LOXL1: variants seen among roughly 807,000 people sequenced by gnomAD.
LOXL1 encodes lysyl oxidase like 1.
In LOXL1, 31 loss-of-function variants were observed where a neutral mutation model predicts 62.2. That is an observed-to-expected ratio of 0.50 (90% CI 0.37 to 0.67). The LOEUF (loss-of-function observed/expected upper bound fraction) is 0.67, where lower values mean the gene tolerates loss of function less well. LOXL1 is among the 30% of genes least tolerant of loss of function. The pLI, the probability that LOXL1 is intolerant of heterozygous loss-of-function variation, is 0.00. For synonymous variants in LOXL1, 403 were observed against 384.4 expected, an observed-to-expected ratio of 1.05 and a Z score of -0.56; for missense variants, 775 against 843.4, an observed-to-expected ratio of 0.92 and a Z score of 1.00.
At chr15:73,939,391 C>G (rs935990231) in intron 1 of LOXL1, among the ~76,000 whole-genome samples, 2 of 152,140 alleles carry the variant, frequency 1.3e-5, no homozygotes, top group African/African-American at 2.4e-5. Flanking sequence ...GCAGCTTCCC[C>G]GAGCTGCTGC....
Position 73,926,756 on chromosome 15 carries a change from T to C in LOXL1, c.-28T>C, listed in dbSNP as rs2068580283. On this transcript the variant is annotated 5_prime_UTR_variant, in exon 1 of 7. Transcript: ENST00000261921. ...GGGGCCACTCCTGAGAGCCTCTCTG[T>C]CCACCAGGCCTCTGCAGAGGGGTCA... 4.4e-6 allele frequency: 6 copies of C among 1,365,170 alleles called. No homozygotes were observed. The South Asian group carries it at 6.9e-5, about 16-fold the overall frequency. The allele number at this position is 1,365,170 out of a possible 1,614,324, so 84.6% of individuals were successfully genotyped here.
At chr15:73,944,612 G>T (rs1001507) in intron 2 of LOXL1, among the ~76,000 whole-genome samples, 10,897 of 152,244 alleles carry the variant, frequency 0.072, 470 homozygotes, top group African/African-American at 0.11. Flanking sequence ...ATCATTTCAA[G>T]TATGGGCCGC....
chr15:73,926,666 G>A lies in LOXL1; in HGVS notation c.-118G>A, dbSNP rs1044915042. 1.7e-6 allele frequency: 2 copies of A among 1,209,674 alleles called. No homozygotes were observed. Among genetic ancestry groups the A allele is most frequent in the Non-Finnish European group, 2.2e-6 (2 of 927,048 alleles). 74.9% of individuals were successfully genotyped at this position (1,209,674 alleles called of 1,614,324 possible). Reference sequence around the variant, plus strand: ...TCGGGACAAGGCCAGCATGGACAAAGCTAGAGCTGGGGCAAGCAAGGAGCC... The same window carrying A: ...TCGGGACAAGGCCAGCATGGACAAAACTAGAGCTGGGGCAAGCAAGGAGCC... On this transcript the variant is annotated 5_prime_UTR_variant, in exon 1 of 7. Coordinates refer to ENST00000261921, the MANE Select transcript of LOXL1 (RefSeq NM_005576.4).
chr15:73,952,000 G>T lies in LOXL1; in HGVS notation c.*163G>T. 1 of 465,584 alleles carries T rather than the reference G, an allele frequency of 2.1e-6. No homozygotes were observed. The highest frequency in any genetic ancestry group is 5.4e-5 in the South Asian group (1 of 18,530). The allele number at this position is 465,584 out of a possible 1,614,324, so 28.8% of individuals were successfully genotyped here. On this transcript the variant is annotated 3_prime_UTR_variant, in exon 7 of 7. Coordinates refer to ENST00000261921, the MANE Select transcript of LOXL1 (RefSeq NM_005576.4). ...CGTGGATGAAAACCACAGGGATTCC[G>T]GACGCCAGACCCCATTTTATACTTC...
At position 73,927,397 on chromosome 15, in the gene LOXL1, A is replaced by G; in HGVS notation, c.614A>G (p.Tyr205Cys). 6.4e-7 allele frequency: 1 copy of G among 1,555,634 alleles called. No homozygotes were observed. Among genetic ancestry groups the G allele is most frequent in the East Asian group, 2.5e-5 (1 of 40,382 alleles). ...SRTYDQGFVY[Y>C]RPAGGGVGAG... ...ACCTACGACCAGGGTTTCGTGTACT[A>G]CCGGCCCGCGGGCGGCGGCGTGGGC... The change falls in exon 1 of 7, where the codon TAC (tyrosine) becomes TGC (cysteine). Residue 205 changes from tyrosine (Y) to cysteine (C), a missense_variant. Physicochemically the swap from Tyr to Cys is radical, Grantham distance 194. Coordinates refer to ENST00000261921, the MANE Select transcript of LOXL1 (RefSeq NM_005576.4).
chr15:73,947,136 C>T lies in LOXL1; in HGVS notation c.1419C>T (p.Ala473=), dbSNP rs763234312. The change falls in exon 4 of 7, where the codon GCC becomes GCT. Residue 473 remains alanine (A), a synonymous_variant. Transcript: ENST00000261921. The part of the protein sequence containing the change: ...LLDAATGKKV[A]EGHKASFCLE... ...ATGCAGCCACAGGCAAGAAGGTGGC[C>T]GAGGGCCACAAGGCCAGTTTCTGCC... The T allele has an allele frequency of 6.8e-6, 11 of 1,613,698 alleles. No homozygotes were observed. The highest frequency in any genetic ancestry group is 5.5e-5 in the South Asian group (5 of 91,042).
At chr15:73,940,021 T>C (rs2068702775) in intron 1 of LOXL1, among the ~76,000 whole-genome samples, 1 of 152,144 alleles carries the variant, frequency 6.6e-6, no homozygotes, top group Non-Finnish European at 1.5e-5. Flanking sequence ...GACCAGTCAG[T>C]CACCCTCAAA....
In LOXL1 at chr15:73,941,186, C is replaced by T. The variant is rs192602685; in HGVS notation, c.1103-1668C>T. On this transcript the variant is annotated intron_variant, in intron 1 of 6. Transcript: ENST00000261921. ...GGGTCCCTTGGGAAATGACTGCAAA[C>T]ATTCCTAGGGGCTCAAGTAACAGGG... 8.3e-4 allele frequency among the ~76,000 whole-genome samples: 127 copies of T among 152,302 alleles called. 4 individuals carry two copies. The highest frequency in any genetic ancestry group is 7.8e-3 in the Admixed American group (120 of 15,310).
rs2068742690 is a variant in LOXL1, at chr15:73,945,703, G to A, written c.1212-714G>A. Among the ~76,000 whole-genome samples the A allele has an allele frequency of 6.6e-6, 1 of 151,816 alleles. No individual in the cohort carries two copies. The highest frequency in any genetic ancestry group is 1.5e-5 in the Non-Finnish European group (1 of 67,968). The stretch of plus-strand genomic sequence containing the variant: ...TGTCAGAGACTTATCAGAATCTCCT[G>A]GATAGGACTTTTTTTTTTCTTTTTT... On this transcript the variant is annotated intron_variant, in intron 2 of 6. Transcript: ENST00000261921. This position sits in a 1 kb window ranked among gnomAD's most constrained non-coding sequence, Gnocchi z 4.3.
In LOXL1 at chr15:73,927,295, C is replaced by T. The variant is rs1383219991; in HGVS notation, c.512C>T (p.Pro171Leu). The T allele has an allele frequency of 1.2e-6, 2 of 1,603,466 alleles. No homozygotes were observed. Among genetic ancestry groups the T allele is most frequent in the African/African-American group, 1.4e-5 (1 of 73,896 alleles). ...SAFASTYRQQ[P>L]SYPQQFPYPQ... ...TTCGCCAGCACCTACCGCCAGCAGC[C>T]CTCCTACCCGCAGCAGTTCCCCTAC... The change falls in exon 1 of 7, where the codon CCC (proline) becomes CTC (leucine). Residue 171 changes from proline (P) to leucine (L), a missense_variant. Pro to Leu is a moderately conservative substitution (Grantham distance 98). Transcript: ENST00000261921.
intron 1 of LOXL1, among the ~76,000 whole-genome samples, chr15:73,941,024 A>G (rs1049847876): frequency 2.0e-5 from 3 of 151,734 alleles, no homozygotes; most frequent in Admixed American, 1.3e-4. Flanking sequence ...AGGCCCAGCT[A>G]CCCCACCCTA....
At position 73,951,894 on chromosome 15, in the gene LOXL1, G is replaced by A. The variant is rs895689668; in HGVS notation, c.*57G>A. On this transcript the variant is annotated 3_prime_UTR_variant, in exon 7 of 7. Transcript: ENST00000261921. ...CCTTCCAAAGCAGGCCCTGCTCCCC[G>A]GGCAGCCTCCCGCCGAGGGGCCCAG... The A allele has an allele frequency of 2.3e-5, 33 of 1,428,508 alleles. No individual in the cohort carries two copies. The highest frequency in any genetic ancestry group is 8.1e-5 in the East Asian group (3 of 37,042). The allele number at this position is 1,428,508 out of a possible 1,614,324, so 88.5% of individuals were successfully genotyped here.
rs117542509 is a variant in LOXL1 at position 73,929,307 on chromosome 15, C to T, written c.1102+1422C>T. Among the ~76,000 whole-genome samples, 945 of 152,350 alleles carry T rather than the reference C, an allele frequency of 6.2e-3. 4 individuals carry two copies. Among genetic ancestry groups the T allele is most frequent in the Non-Finnish European group, 9.3e-3 (635 of 68,030 alleles). ...CCCATTGAGGTTGCTGTGCCTGGCCCACCAAGTAAGGGCTGACTGAGCCCT... is the reference window on the plus strand; with the variant it reads ...CCCATTGAGGTTGCTGTGCCTGGCCTACCAAGTAAGGGCTGACTGAGCCCT... On this transcript the variant is annotated intron_variant, in intron 1 of 6. Transcript: ENST00000261921.
intron 4 of LOXL1, 58 bp downstream of exon 4, chr15:73,947,281 G>C (rs2068754874): frequency 6.5e-7 from 1 of 1,537,738 alleles, no homozygotes; most frequent in Non-Finnish European, 8.8e-7. Flanking sequence ...GGGAGGCAAA[G>C]AGCGAGGCCC....
intron 1 of LOXL1, 99 bp downstream of exon 1, chr15:73,927,984 T>C: frequency 9.1e-7 from 1 of 1,102,636 alleles, no homozygotes; most frequent in Non-Finnish European, 1.2e-6. Context: ...CCTGGAGGCC[T>C]CCCCGGAGCT....
Position 73,927,689 on chromosome 15 carries a change from C to T in LOXL1, c.906C>T (p.Gly302=). Residue 302 remains glycine (G), a synonymous_variant, in exon 1 of 7, where the codon GGC becomes GGT. Coordinates refer to ENST00000261921, the MANE Select transcript of LOXL1 (RefSeq NM_005576.4). The part of the protein sequence containing the change: ...DPGPEAAQAH[G]GDPRLGWYPP... ...GTCCCGAGGCGGCGCAGGCCCATGG[C>T]GGAGACCCACGCCTGGGCTGGTACC... 1 of 1,483,964 alleles carries T rather than the reference C, an allele frequency of 6.7e-7. No homozygotes were observed. The highest frequency in any genetic ancestry group is 8.9e-7 in the Non-Finnish European group (1 of 1,124,520). 91.9% of individuals were successfully genotyped at this position (1,483,964 alleles called of 1,614,324 possible). A position where few individuals can be genotyped will look rare whatever the true frequency, so the allele number is the denominator to read the frequency against.
Position 73,927,788 on chromosome 15 carries a change from C to A in LOXL1, c.1005C>A (p.Arg335=). The A allele has an allele frequency of 7.2e-7, 1 of 1,397,432 alleles. No homozygotes were observed. Among genetic ancestry groups the A allele is most frequent in the Non-Finnish European group, 9.2e-7 (1 of 1,084,036 alleles). The allele number at this position is 1,397,432 out of a possible 1,614,324, so 86.6% of individuals were successfully genotyped here. Residue 335 remains arginine, a synonymous_variant, in exon 1 of 7, where the codon CGC becomes CGA. Coordinates refer to ENST00000261921, the MANE Select transcript of LOXL1 (RefSeq NM_005576.4). ...TGGAGCCGCCCTACCTGCCGGTGCGCAGCTCCGACACGCCCCCGCCGGGTG... is the reference window on the plus strand; with the variant it reads ...TGGAGCCGCCCTACCTGCCGGTGCGAAGCTCCGACACGCCCCCGCCGGGTG... ...RALEPPYLPV[R]SSDTPPPGGE... is the part of the protein sequence containing the mutation.
chr15:73,947,608 G>A (rs1206668116), intron 4 of LOXL1, 199 bp from the exon 5 acceptor site: 2 of 526,924 alleles, frequency 3.8e-6, no homozygotes, highest in Non-Finnish European at 6.7e-6. Context: ...CCTCCCACCT[G>A]GCTATTAGAT....
Position 73,947,917 on chromosome 15 carries a change from C to A in LOXL1, c.1602+15C>A. Reference sequence around the variant, plus strand: ...ACATCCTCAAGGTGGGCCTCTGGGTCTGGGGCTTTCCCTCCAACCTGATGT... The same window carrying A: ...ACATCCTCAAGGTGGGCCTCTGGGTATGGGGCTTTCCCTCCAACCTGATGT... On this transcript the variant is annotated intron_variant, in intron 5 of 6. Transcript: ENST00000261921. 6.3e-7 allele frequency: 1 copy of A among 1,596,148 alleles called. No individual in the cohort carries two copies. The highest frequency in any genetic ancestry group is 8.6e-7 in the Non-Finnish European group (1 of 1,166,126).
Sources: gnomAD v4.1 joint callset for allele counts (sites outside exome capture counted in the v4.1 genomes callset) on GRCh38, gnomAD v4.1.1 for gene constraint, Gnocchi (gnomAD v3.1) non-coding constraint, MANE v1.5 for transcripts, NCBI Gene and HGNC (gene_info 2026-07-23, HGNC 2026-07-21) for gene names.